SH3RF3: variants seen among roughly 807,000 people sequenced by gnomAD.
The protein encoded by SH3RF3 is SH3 domain containing ring finger 3.
In SH3RF3, 29 loss-of-function variants were observed where a neutral mutation model predicts 66.3. The ratio of observed to expected loss-of-function variants is 0.44; its 90% CI spans 0.33 to 0.60. The LOEUF (loss-of-function observed/expected upper bound fraction) is 0.60, where lower values mean the gene tolerates loss of function less well. Ranked by LOEUF, SH3RF3 falls within the 20% of genes least tolerant of loss-of-function variation. The pLI is 0.04. For missense variants in SH3RF3, 1,194 were observed against 1,190.9 expected (o/e 1.00, Z -0.04); for synonymous variants, 583 against 532.0 (o/e 1.10, Z -1.32).
chr2:109,489,793 A>G (rs1380807876), intron 8 of SH3RF3, among the ~76,000 whole-genome samples: 1 of 152,078 alleles, frequency 6.6e-6, no homozygotes, highest in South Asian at 2.1e-4. Flanking sequence ...GCTGGAGTGC[A>G]GTGGCGCAAT....
At chr2:109,455,348 A>G (rs754608955) in intron 8 of SH3RF3, among the ~76,000 whole-genome samples, 1 of 152,194 alleles carries the variant, frequency 6.6e-6, no homozygotes, top group Non-Finnish European at 1.5e-5. Context: ...ATCACTTACC[A>G]GTCCATGTGG....
At chr2:109,244,872 C>T (rs745874052) in intron 1 of SH3RF3, among the ~76,000 whole-genome samples, 3 of 152,128 alleles carry the variant, frequency 2.0e-5, no homozygotes, top group African/African-American at 7.2e-5. Context: ...CCTGTGCCAT[C>T]GTCATATTCT....
chr2:109,250,982 T>C (rs1680076771), intron 1 of SH3RF3, among the ~76,000 whole-genome samples: 1 of 152,078 alleles, frequency 6.6e-6, no homozygotes, highest in African/African-American at 2.4e-5. Context: ...TAGCTTTTTT[T>C]TTCAAATTAT....
intron 4 of SH3RF3, among the ~76,000 whole-genome samples, chr2:109,411,677 C>T (rs1274167033): frequency 2.0e-5 from 3 of 152,136 alleles, no homozygotes; most frequent in Non-Finnish European, 4.4e-5. Flanking sequence ...GGATGTCCCT[C>T]GCACCCCTCG....
At chr2:109,490,982 C>G in intron 9 of SH3RF3, 46 bp downstream of exon 9, 1 of 1,401,790 alleles carries the variant, frequency 7.1e-7, no homozygotes, top group East Asian at 2.6e-5. Flanking sequence ...GTGGTTTGGC[C>G]TCTGAGGTCT....
At chr2:109,473,905 C>T (rs1008399759) in intron 8 of SH3RF3, among the ~76,000 whole-genome samples, 2 of 152,330 alleles carry the variant, frequency 1.3e-5, no homozygotes, top group Admixed American at 1.3e-4. Context: ...TGATCATCAG[C>T]AGTGCTGTCA....
At chr2:109,493,595 CACAA>C (rs1408778405) in intron 9 of SH3RF3, among the ~76,000 whole-genome samples, 1 of 151,214 alleles carries the variant, frequency 6.6e-6, no homozygotes, top group Non-Finnish European at 1.5e-5. Context: ...ACACAATACA[CACAA>C]ACCACACACA....
intron 2 of SH3RF3, among the ~76,000 whole-genome samples, chr2:109,361,348 A>G (rs1683047284): frequency 6.6e-6 from 1 of 152,234 alleles, no homozygotes; most frequent in African/African-American, 2.4e-5. Flanking sequence ...GTTAGGAAAT[A>G]TTCTTTCTGC....
intron 4 of SH3RF3, among the ~76,000 whole-genome samples, chr2:109,411,512 C>T (rs994609042): frequency 8.5e-5 from 13 of 152,186 alleles, no homozygotes; most frequent in Non-Finnish European, 1.6e-4. Flanking sequence ...AATTGCTGCT[C>T]GTTTGCATCC....
intron 7 of SH3RF3, among the ~76,000 whole-genome samples, chr2:109,446,565 T>C (rs1291010632): frequency 1.3e-5 from 2 of 152,138 alleles, no homozygotes. Flanking sequence ...GGCAGGTCTC[T>C]AGAAGGTGGT....
At chr2:109,145,482 G>T (rs138793296) in intron 1 of SH3RF3, among the ~76,000 whole-genome samples, 1 of 152,144 alleles carries the variant, frequency 6.6e-6, no homozygotes, top group Non-Finnish European at 1.5e-5. Flanking sequence ...AGGGAATGCC[G>T]CCTCCTTTCT....
chr2:109,291,901 G>A (rs764420078), intron 1 of SH3RF3, among the ~76,000 whole-genome samples: 8 of 152,188 alleles, frequency 5.3e-5, no homozygotes, highest in Non-Finnish European at 1.0e-4. Context: ...GTCTCGCTCT[G>A]TTGCCAGGCT....
chr2:109,426,523 T>G (rs1362942491), intron 5 of SH3RF3, among the ~76,000 whole-genome samples: 2 of 152,224 alleles, frequency 1.3e-5, no homozygotes, highest in Non-Finnish European at 2.9e-5. Context: ...TGCAATCTTA[T>G]GAGAAAACTT....
At chr2:109,176,330 G>A (rs986715461) in intron 1 of SH3RF3, among the ~76,000 whole-genome samples, 1 of 152,206 alleles carries the variant, frequency 6.6e-6, no homozygotes, top group African/African-American at 2.4e-5. Context: ...GGAAGGAGGT[G>A]TTTTGAGAGA....
chr2:109,357,616 A>G (rs1045615492), intron 2 of SH3RF3, among the ~76,000 whole-genome samples: 1 of 152,236 alleles, frequency 6.6e-6, no homozygotes, highest in African/African-American at 2.4e-5. Flanking sequence ...CTTCACATCA[A>G]GGAATCACGC....
intron 1 of SH3RF3, among the ~76,000 whole-genome samples, chr2:109,343,716 G>C (rs1005185757): frequency 1.3e-5 from 2 of 151,210 alleles, no homozygotes; most frequent in South Asian, 2.1e-4. Context: ...GTCTGCCCCT[G>C]CTTCTGCCCT....
At chr2:109,396,993 C>T (rs1292544826) in intron 3 of SH3RF3, among the ~76,000 whole-genome samples, 1 of 152,210 alleles carries the variant, frequency 6.6e-6, no homozygotes, top group East Asian at 1.9e-4. Flanking sequence ...ATGAAGGCTT[C>T]AGAATGCCCC....
rs1285910464 is a variant in SH3RF3, at chr2:109,282,838, G to A, written c.574-64836G>A. On this transcript the variant is annotated intron_variant, in intron 1 of 9. Coordinates refer to ENST00000309415, the MANE Select transcript of SH3RF3 (RefSeq NM_001099289.3). ...GCTGGCAGGCAGGAGGAGGTGGAGG[G>A]GTAATGGTCCTCCTGTGAGGAGAGG... Among the ~76,000 whole-genome samples the A allele has an allele frequency of 3.9e-5, 6 of 152,288 alleles. No homozygotes were observed. In the East Asian group the frequency reaches 9.7e-4, roughly 25 times the overall value.
intron 1 of SH3RF3, among the ~76,000 whole-genome samples, chr2:109,133,468 G>GT (rs1400806076): frequency 6.6e-6 from 1 of 152,086 alleles, no homozygotes; most frequent in African/African-American, 2.4e-5. Context: ...CATTTTTTGA[G>GT]TACAGAGCTG....
Sources: gnomAD v4.1 joint callset for allele counts (sites outside exome capture counted in the v4.1 genomes callset) on GRCh38, gnomAD v4.1.1 for gene constraint, MANE v1.5 for transcripts, NCBI Gene and HGNC (gene_info 2026-07-23, HGNC 2026-07-21) for gene names.